Variants in KCNK2 observed in about 807,000 individuals in gnomAD.
KCNK2 encodes the protein potassium channel subfamily K member 2.
KCNK2 carries 21 observed loss-of-function variants against 40.5 expected under a neutral mutation model. The observed-to-expected ratio is 0.52, with a 90% CI of 0.37 to 0.75. The LOEUF (loss-of-function observed/expected upper bound fraction) is 0.75, where lower values mean the gene tolerates loss of function less well. Among genes scored for constraint, KCNK2 ranks in the 30% least tolerant of loss-of-function variants. KCNK2 has a pLI of 0.00. For missense variants in KCNK2, 399 were observed against 531.6 expected (o/e 0.75, Z 2.45); for synonymous variants, 191 against 202.2 (o/e 0.94, Z 0.47).
chr1:215,050,444 C>CTATA (rs1657946026), intron 1 of KCNK2, among the ~76,000 whole-genome samples: 1 of 152,014 alleles, frequency 6.6e-6, no homozygotes, highest in Admixed American at 6.6e-5. Flanking sequence ...CCAAGAAGTA[C>CTATA]TATAGGTGAT....
rs1666880589 is a variant in KCNK2 at position 215,236,113 on chromosome 1, A to C, written c.*968A>C. ...CTATCTATCTAAATGACCTGACAGAAGAAAACTGTTAAAAATGGATATTAT... is the reference window on the plus strand; with the variant it reads ...CTATCTATCTAAATGACCTGACAGACGAAAACTGTTAAAAATGGATATTAT... On this transcript the variant is annotated 3_prime_UTR_variant, in exon 7 of 7. Transcript: ENST00000444842. The C allele has an allele frequency of 7.4e-6, 1 of 134,370 alleles. No homozygotes were observed. Among genetic ancestry groups the C allele is most frequent in the African/African-American group, 2.7e-5 (1 of 37,330 alleles). 8.3% of individuals were successfully genotyped at this position (134,370 alleles called of 1,614,324 possible). A position where few individuals can be genotyped will look rare whatever the true frequency, so the allele number is the denominator to read the frequency against.
At chr1:215,043,098 A>G (rs1657622559) in intron 1 of KCNK2, among the ~76,000 whole-genome samples, 1 of 152,198 alleles carries the variant, frequency 6.6e-6, no homozygotes, top group Non-Finnish European at 1.5e-5. Flanking sequence ...ATCACTTCTT[A>G]CAATGCAAGT....
At chr1:215,025,425 C>T (rs1656970276) in intron 1 of KCNK2, among the ~76,000 whole-genome samples, 1 of 151,750 alleles carries the variant, frequency 6.6e-6, no homozygotes, top group African/African-American at 2.4e-5. Flanking sequence ...TCCCTATTCC[C>T]TGTCTTCATT....
chr1:215,157,724 A>T (rs1355898917), intron 3 of KCNK2, among the ~76,000 whole-genome samples: 1 of 152,236 alleles, frequency 6.6e-6, no homozygotes, highest in South Asian at 2.1e-4. Context: ...AGTCCAGACA[A>T]TTAAAAATAT....
At chr1:215,012,674 C>T (rs1434683895) in intron 1 of KCNK2, among the ~76,000 whole-genome samples, 1 of 145,260 alleles carries the variant, frequency 6.9e-6, no homozygotes, top group African/African-American at 2.5e-5. Flanking sequence ...TCTGTAGAGT[C>T]AGTGCCTTGC....
chr1:215,224,397 C>G (rs557367697), intron 6 of KCNK2, among the ~76,000 whole-genome samples: 2 of 152,036 alleles, frequency 1.3e-5, no homozygotes, highest in Non-Finnish European at 2.9e-5. Context: ...TCAAAAACAG[C>G]AGAGGGAGAA....
intron 6 of KCNK2, among the ~76,000 whole-genome samples, chr1:215,230,847 C>G (rs1280933235): frequency 6.6e-6 from 1 of 151,528 alleles, no homozygotes; most frequent in Non-Finnish European, 1.5e-5. Context: ...TCTGGGAATT[C>G]TACAGAAATG....
intron 2 of KCNK2, among the ~76,000 whole-genome samples, chr1:215,122,991 G>A (rs1189780425): frequency 1.3e-5 from 2 of 151,740 alleles, no homozygotes; most frequent in Non-Finnish European, 2.9e-5. Context: ...TGATCCACCC[G>A]CCTCGGCCTT....
intron 2 of KCNK2, among the ~76,000 whole-genome samples, chr1:215,103,678 T>C (rs935428597): frequency 6.6e-5 from 10 of 152,086 alleles, no homozygotes; most frequent in African/African-American, 2.4e-4. Flanking sequence ...AATGATGTTA[T>C]TTTATAATAA....
rs1185065719 is a variant in KCNK2 at position 215,235,316 on chromosome 1, ACTTT to A, written c.*178_*181del. 7.1e-6 allele frequency: 4 copies of A among 564,600 alleles called. No individual in the cohort carries two copies. The highest frequency in any genetic ancestry group is 2.8e-5 in the South Asian group (1 of 35,446). The allele number at this position is 564,600 out of a possible 1,614,324, so 35.0% of individuals were successfully genotyped here. ...AGAGAATTTGGAATTCTGAGCCAGC[ACTTT>A]CTTTCTGATGATGCTTGTTGAACGG... On this transcript the variant is annotated 3_prime_UTR_variant, in exon 7 of 7. Transcript: ENST00000444842.
In KCNK2 at chr1:215,172,085, C is replaced by A. The variant is rs867707744; in HGVS notation, c.725C>A (p.Ala242Glu). The A allele has an allele frequency of 1.2e-6, 2 of 1,613,060 alleles. No individual in the cohort carries two copies. Among genetic ancestry groups the A allele is most frequent in the Non-Finnish European group, 1.7e-6 (2 of 1,179,432 alleles). Residue 242 changes from alanine to glutamate, a missense_variant, in exon 5 of 7, where the codon GCG becomes GAG. By Grantham distance (107) the Ala-to-Glu change is moderately radical. Coordinates refer to ENST00000444842, the MANE Select transcript of KCNK2 (RefSeq NM_001017425.3). ...FGCVLFVALP[A>E]IIFKHIEGWS... ...TGTGTACTCTTTGTGGCTCTGCCTGCGATCATATTCAAACACATAGAAGGC... is the reference window on the plus strand; with the variant it reads ...TGTGTACTCTTTGTGGCTCTGCCTGAGATCATATTCAAACACATAGAAGGC...
chr1:215,208,891 C>T (rs918276680), intron 6 of KCNK2, among the ~76,000 whole-genome samples: 1 of 151,698 alleles, frequency 6.6e-6, no homozygotes, highest in Non-Finnish European at 1.5e-5. Flanking sequence ...GCAGTGGCAC[C>T]ATCTTGGCTC....
chr1:215,054,247 G>A (rs918033825), intron 1 of KCNK2, among the ~76,000 whole-genome samples: 2 of 152,142 alleles, frequency 1.3e-5, no homozygotes, highest in African/African-American at 4.8e-5. Flanking sequence ...GAATTTGGTA[G>A]GTAGAAGACT....
chr1:215,078,442 C>A (rs1181921659), upstream of KCNK2, among the ~76,000 whole-genome samples: 5 of 152,090 alleles, frequency 3.3e-5, no homozygotes, highest in Non-Finnish European at 7.3e-5. Flanking sequence ...GCTGGGGAGG[C>A]CTTAGGAAAC....
intron 2 of KCNK2, among the ~76,000 whole-genome samples, chr1:215,088,715 G>T (rs972550633): frequency 1.3e-5 from 2 of 152,194 alleles, no homozygotes; most frequent in Admixed American, 1.3e-4. Flanking sequence ...ATGGCAGGTA[G>T]GAGCAATCTG....
chr1:215,164,231 T>C (rs1663338592), intron 3 of KCNK2, among the ~76,000 whole-genome samples: 1 of 152,234 alleles, frequency 6.6e-6, no homozygotes, highest in South Asian at 2.1e-4. Flanking sequence ...TATTCTCTGA[T>C]GGTAGTTTGT....
At chr1:215,086,155 A>G (rs1489856046) in intron 1 of KCNK2, among the ~76,000 whole-genome samples, 1 of 152,122 alleles carries the variant, frequency 6.6e-6, no homozygotes, top group Non-Finnish European at 1.5e-5. Flanking sequence ...TTTGAACTCC[A>G]ATAGCAGCAG....
At chr1:215,183,186 A>G (rs1311711204) in intron 5 of KCNK2, among the ~76,000 whole-genome samples, 1 of 152,038 alleles carries the variant, frequency 6.6e-6, no homozygotes, top group Non-Finnish European at 1.5e-5. Flanking sequence ...CATTTTTTCC[A>G]TCTTGGGGAA....
intron 2 of KCNK2, 78 bp downstream of exon 2, chr1:215,086,756 A>G: frequency 1.5e-6 from 2 of 1,312,240 alleles, no homozygotes; most frequent in South Asian, 2.6e-5. Flanking sequence ...CTTGTAGCCC[A>G]GTGTATTACA....
Sources: gnomAD v4.1 joint callset for allele counts (sites outside exome capture counted in the v4.1 genomes callset) on GRCh38, gnomAD v4.1.1 for gene constraint, MANE v1.5 for transcripts, NCBI Gene and HGNC (gene_info 2026-07-23, HGNC 2026-07-21) for gene names.